Variants in BBOF1 observed in about 807,000 individuals in gnomAD.
The protein encoded by BBOF1 is basal body-orientation factor 1.
BBOF1 carries 62 observed loss-of-function variants against 68.0 expected under a neutral mutation model. That is an observed-to-expected ratio of 0.91 (90% CI 0.74 to 1.13). The LOEUF (loss-of-function observed/expected upper bound fraction) is 1.13, where lower values mean the gene tolerates loss of function less well. BBOF1 is among the 50% of genes most tolerant of loss of function. The pLI is 0.00. For synonymous variants in BBOF1, 208 were observed against 198.8 expected (o/e 1.05, Z -0.39); for missense variants, 534 against 600.1 (o/e 0.89, Z 1.15).
chr14:74,079,464 C>A (rs1033418034), intron 10 of BBOF1, among the ~76,000 whole-genome samples: 4 of 147,272 alleles, frequency 2.7e-5, no homozygotes, highest in African/African-American at 1.0e-4. Flanking sequence ...GACAGAGTCT[C>A]ACTCTGTCGC....
intron 5 of BBOF1, among the ~76,000 whole-genome samples, chr14:74,043,983 C>T (rs1489182027): frequency 2.6e-5 from 4 of 152,100 alleles, no homozygotes; most frequent in Admixed American, 6.5e-5. Context: ...CGGTGGCTCA[C>T]GCCTATAATC....
In BBOF1 at chr14:74,064,679, CT is replaced by C; in HGVS notation, c.1579-3del. ...GGCAAAATTTTGTTAACTTTTAAATCTTTTTTAGGGAACCTTCTGAGAAGCA... is the reference window on the plus strand; with the variant it reads ...GGCAAAATTTTGTTAACTTTTAAATCTTTTTAGGGAACCTTCTGAGAAGCA... On this transcript the variant is annotated splice_region_variant and splice_polypyrimidine_tract_variant and intron_variant, in intron 11 of 11. Coordinates refer to ENST00000394009, the MANE Select transcript of BBOF1 (RefSeq NM_025057.3). The C allele has an allele frequency of 6.2e-7, 1 of 1,613,956 alleles. No individual in the cohort carries two copies. Among genetic ancestry groups the C allele is most frequent in the Non-Finnish European group, 8.5e-7 (1 of 1,179,890 alleles).
At chr14:74,023,204 G>T in intron 2 of BBOF1, 60 bp downstream of exon 2, 1 of 928,760 alleles carries the variant, frequency 1.1e-6, no homozygotes, top group Non-Finnish European at 1.6e-6. Flanking sequence ...TGCTGATGTG[G>T]TTATGTATTT....
chr14:74,050,279 A>G, intron 8 of BBOF1, 84 bp downstream of exon 8: 2 of 1,450,058 alleles, frequency 1.4e-6, no homozygotes, highest in Non-Finnish European at 1.8e-6. Context: ...GTTTAGTTTT[A>G]TAATATTCAA....
intron 12 of BBOF1, among the ~76,000 whole-genome samples, chr14:74,082,492 C>T (rs4903180): frequency 0.019 from 2,762 of 147,372 alleles, 53 homozygotes; most frequent in African/African-American, 0.052. Context: ...CTCCGTCTTC[C>T]GGGTTCAAGC....
chr14:74,034,001 A>T lies in BBOF1; in HGVS notation c.352-27A>T, dbSNP rs559707608. On this transcript the variant is annotated intron_variant, in intron 3 of 11. Transcript: ENST00000394009. ...TGTGGGACTTCTGTTCTTTTTCCTAACTCGTTTACCTCTTTTTTGAATACA... is the reference window on the plus strand; with the variant it reads ...TGTGGGACTTCTGTTCTTTTTCCTATCTCGTTTACCTCTTTTTTGAATACA... 4.5e-6 allele frequency: 7 copies of T among 1,560,076 alleles called. No homozygotes were observed. In the East Asian group the frequency reaches 1.7e-4, roughly 38 times the overall value.
chr14:74,038,291 A>C (rs2059755086), intron 4 of BBOF1, among the ~76,000 whole-genome samples: 1 of 152,236 alleles, frequency 6.6e-6, no homozygotes, highest in South Asian at 2.1e-4. Context: ...AAAATGCTGT[A>C]GATTGAATCA....
At chr14:74,046,211 C>A in intron 6 of BBOF1, 81 bp downstream of exon 6, 1 of 1,268,072 alleles carries the variant, frequency 7.9e-7, no homozygotes, top group South Asian at 1.4e-5. Flanking sequence ...ACTTTCTTGT[C>A]TTCCCCCTTC....
Position 74,065,473 on chromosome 14 carries a change from T to A in BBOF1, c.*774T>A. The stretch of plus-strand genomic sequence containing the variant: ...TCATTTACGTGGACAACTTTCATAT[T>A]ACTAATCTCTTTTCATTTCAAATCA... On this transcript the variant is annotated 3_prime_UTR_variant, in exon 12 of 12. Coordinates refer to ENST00000394009, the MANE Select transcript of BBOF1 (RefSeq NM_025057.3). 1 of 953,926 alleles carries A rather than the reference T, an allele frequency of 1.0e-6. No homozygotes were observed. Among genetic ancestry groups the A allele is most frequent in the Non-Finnish European group, 1.6e-6 (1 of 619,488 alleles). 59.1% of individuals were successfully genotyped at this position (953,926 alleles called of 1,614,324 possible). A position where few individuals can be genotyped will look rare whatever the true frequency, so the allele number is the denominator to read the frequency against.
At chr14:74,043,581 AAAAG>A (rs2059880627) in intron 5 of BBOF1, among the ~76,000 whole-genome samples, 1 of 149,950 alleles carries the variant, frequency 6.7e-6, no homozygotes, top group African/African-American at 2.4e-5. Context: ...AAAAAAAAAA[AAAAG>A]ACAGAGTCTC....
intron 3 of BBOF1, among the ~76,000 whole-genome samples, chr14:74,030,480 C>T (rs189050411): frequency 6.2e-4 from 94 of 151,906 alleles, no homozygotes; most frequent in African/African-American, 2.2e-3. Context: ...GTCTGTAAAA[C>T]AAGTTGCACG....
intron 7 of BBOF1, 98 bp downstream of exon 7, chr14:74,048,172 A>G (rs2059992329): frequency 1.7e-6 from 2 of 1,148,692 alleles, no homozygotes; most frequent in Non-Finnish European, 2.5e-6. Context: ...TATAAGGACA[A>G]TGAGACCATT....
chr14:74,072,626 C>A lies in BBOF1; in HGVS notation n.1380-5570C>A, dbSNP rs752587472. ...TTTACAGTTGGCTGAAAAAAACAAA[C>A]AAACAAACAAACAAACAAAAACATG... On this transcript the variant is annotated intron_variant and non_coding_transcript_variant, in intron 9 of 12. Transcript: ENST00000492026. 1.4e-4 allele frequency: 232 copies of A among 1,602,706 alleles called. No individual in the cohort carries two copies. Among genetic ancestry groups the A allele is most frequent in the East Asian group, 6.8e-4 (30 of 44,080 alleles).
At chr14:74,021,799 C>T (rs556983767) in intron 1 of BBOF1, among the ~76,000 whole-genome samples, 6 of 151,568 alleles carry the variant, frequency 4.0e-5, no homozygotes, top group South Asian at 2.1e-4. Context: ...CCCAGCTACT[C>T]GGGAGGCTGA....
intron 1 of BBOF1, among the ~76,000 whole-genome samples, chr14:74,021,943 G>A (rs1177945489): frequency 6.6e-6 from 1 of 151,986 alleles, no homozygotes; most frequent in Admixed American, 6.6e-5. Context: ...CAAAAGTGGA[G>A]GGTAAAGTGG....
intron 9 of BBOF1, among the ~76,000 whole-genome samples, chr14:74,073,325 G>A (rs928432295): frequency 2.0e-5 from 3 of 151,784 alleles, no homozygotes; most frequent in East Asian, 3.9e-4. Flanking sequence ...GGCTGGTCTC[G>A]AACTCCTGGG....
chr14:74,030,931 T>TAGAG (rs201898207), intron 3 of BBOF1, among the ~76,000 whole-genome samples: 1,917 of 143,336 alleles, frequency 0.013, 19 homozygotes, highest in Non-Finnish European at 0.022. Context: ...CATATATATA[T>TAGAG]ATATATATAG....
At position 74,047,955 on chromosome 14, in the gene BBOF1, G is replaced by A; in HGVS notation, c.673G>A (p.Val225Ile). ...GCAATTGAACGATGCTGGAAGAAAT[G>A]TTTTTAAAGAGAATGATTATCTTCA... is the stretch of plus-strand genomic sequence containing the variant. ...IVQLNDAGRN[V>I]FKENDYLQKA... is the part of the protein sequence containing the mutation. The change falls in exon 7 of 12, where the codon GTT becomes ATT. Residue 225 changes from valine to isoleucine, a missense_variant. Transcript: ENST00000394009. 6.2e-7 allele frequency: 1 copy of A among 1,610,024 alleles called. No individual in the cohort carries two copies. The highest frequency in any genetic ancestry group is 8.5e-7 in the Non-Finnish European group (1 of 1,178,656).
chr14:74,060,775 A>C, intron 11 of BBOF1: 1 of 1,487,722 alleles, frequency 6.7e-7, no homozygotes, highest in Non-Finnish European at 9.4e-7. Flanking sequence ...AAGTTAGCAT[A>C]TATTTCTGGG....
Sources: gnomAD v4.1 joint callset for allele counts (sites outside exome capture counted in the v4.1 genomes callset) on GRCh38, gnomAD v4.1.1 for gene constraint, MANE v1.5 for transcripts, NCBI Gene and HGNC (gene_info 2026-07-23, HGNC 2026-07-21) for gene names.